PLAA: variants seen among roughly 807,000 people sequenced by gnomAD.
PLAA encodes phospholipase A2 activating protein, also known as phospholipase A-2-activating protein.
A neutral mutation model predicts 84.1 loss-of-function variants in PLAA; 48 were observed. The observed-to-expected ratio is 0.57, with a 90% CI of 0.45 to 0.73. PLAA has a LOEUF of 0.73. Among genes scored for constraint, PLAA ranks in the 30% least tolerant of loss-of-function variants. PLAA has a pLI of 0.00. For synonymous variants in PLAA, 392 were observed against 336.6 expected, an observed-to-expected ratio of 1.16 and a Z score of -1.80; for missense variants, 903 against 954.7, an observed-to-expected ratio of 0.95 and a Z score of 0.71.
rs60559381 is a variant in PLAA at position 26,909,681 on chromosome 9, C to T, written c.1657+657G>A. On this transcript the variant is annotated intron_variant, in intron 12 of 13. Transcript: ENST00000397292. ...TGTTGCCCAGGCTGGAGTGCAGTGGCGCGATCTCGGGCTCACTGCAACTCC... is the reference window on the plus strand; with the variant it reads ...TGTTGCCCAGGCTGGAGTGCAGTGGTGCGATCTCGGGCTCACTGCAACTCC... 1.0e-2 allele frequency among the ~76,000 whole-genome samples: 1,506 copies of T among 150,848 alleles called. 21 individuals carry two copies. Among genetic ancestry groups the T allele is most frequent in the African/African-American group, 0.034 (1,378 of 40,994 alleles).
At chr9:26,927,417 C>G (rs764519622) in intron 4 of PLAA, among the ~76,000 whole-genome samples, 4 of 152,026 alleles carry the variant, frequency 2.6e-5, no homozygotes, top group Non-Finnish European at 5.9e-5. Flanking sequence ...GTCACTGCAC[C>G]CAGCCAAAAG....
At position 26,913,932 on chromosome 9, in the gene PLAA, A is replaced by G; in HGVS notation, c.1502T>C (p.Val501Ala). 2.5e-6 allele frequency: 4 copies of G among 1,611,658 alleles called. No individual in the cohort carries two copies. The highest frequency in any genetic ancestry group is 3.4e-6 in the Non-Finnish European group (4 of 1,177,810). ...ADPFTGAGRYVPGSASMGTTM... is the reference protein window; with the variant it reads ...ADPFTGAGRYAPGSASMGTTM... ...AGTTCCCATACTTGCAGAACCTGGT[A>G]CATAACGACCAGCACCTACAATACA... Residue 501 changes from valine to alanine, a missense_variant, in exon 11 of 14, where the codon GTA becomes GCA. Val to Ala is a moderately conservative substitution (Grantham distance 64). Transcript: ENST00000397292.
chr9:26,925,508 T>C (rs559196525), intron 6 of PLAA, among the ~76,000 whole-genome samples: 51 of 152,364 alleles, frequency 3.3e-4, no homozygotes, highest in Non-Finnish European at 6.6e-4. Context: ...TTCAAATTTC[T>C]TCTTCTACAG....
Position 26,947,069 on chromosome 9 carries a change from G to C in PLAA, c.-24C>G, listed in dbSNP as rs1471771565. The stretch of plus-strand genomic sequence containing the variant: ...ATGGCCAGTGTCTGTCTGGCGCCCG[G>C]TGCCCAGGCACTGTGCGAGACCAGT... On this transcript the variant is annotated 5_prime_UTR_variant, in exon 1 of 14. Coordinates refer to ENST00000397292, the MANE Select transcript of PLAA (RefSeq NM_001031689.3). 1.9e-6 allele frequency: 3 copies of C among 1,553,060 alleles called. No individual in the cohort carries two copies. The highest frequency in any genetic ancestry group is 1.9e-5 in the Admixed American group (1 of 52,326).
At chr9:26,932,759 A>G (rs977014453) in intron 2 of PLAA, among the ~76,000 whole-genome samples, 4 of 152,246 alleles carry the variant, frequency 2.6e-5, no homozygotes, top group Non-Finnish European at 5.9e-5. Context: ...ATTTCTATAT[A>G]AAATTTTAAA....
In PLAA at chr9:26,935,109, C is replaced by A. The variant is rs1825317093; in HGVS notation, c.247G>T (p.Gly83Cys). 6.2e-7 allele frequency: 1 copy of A among 1,611,010 alleles called. No homozygotes were observed. ...IIPSSDIYPHGLIATGGNDHN... is the reference protein window; with the variant it reads ...IIPSSDIYPHCLIATGGNDHN... ...TCATTTCCACCGGTGGCAATTAGGC[C>A]ATGAGGGTAGATGTCACTTGAGGGT... is the stretch of plus-strand genomic sequence containing the variant. Residue 83 changes from glycine to cysteine, a missense_variant, in exon 2 of 14, where the codon GGC becomes TGC. Coordinates refer to ENST00000397292, the MANE Select transcript of PLAA (RefSeq NM_001031689.3).
chr9:26,907,728 C>A, intron 13 of PLAA, 106 bp downstream of exon 13: 1 of 935,938 alleles, frequency 1.1e-6, no homozygotes, highest in Admixed American at 2.7e-5. Context: ...TGATTTAGAA[C>A]TACCGAAGTT....
At chr9:26,911,963 C>A (rs1824413179) in intron 11 of PLAA, among the ~76,000 whole-genome samples, 1 of 151,988 alleles carries the variant, frequency 6.6e-6, no homozygotes, top group Admixed American at 6.6e-5. Flanking sequence ...TAAAAATGAG[C>A]CATACACACA....
chr9:26,917,295 T>C (rs1824594601), intron 9 of PLAA, 130 bp from the exon 10 acceptor site: 1 of 662,636 alleles, frequency 1.5e-6, no homozygotes, highest in South Asian at 1.9e-5. Context: ...CATGATAGAA[T>C]GACAGAAACT....
chr9:26,905,464 GA>G lies in PLAA; in HGVS notation c.*46del. ...TGTTATCAGTCATGTCAAATGTGAG[GA>G]AAAAAACACTAATCAATTAAAAATA... On this transcript the variant is annotated 3_prime_UTR_variant, in exon 14 of 14. Coordinates refer to ENST00000397292, the MANE Select transcript of PLAA (RefSeq NM_001031689.3). 2 of 1,345,988 alleles carry G rather than the reference GA, an allele frequency of 1.5e-6. No individual in the cohort carries two copies. The highest frequency in any genetic ancestry group is 1.0e-6 in the Non-Finnish European group (1 of 971,004). The allele number at this position is 1,345,988 out of a possible 1,614,324, so 83.4% of individuals were successfully genotyped here. A position where few individuals can be genotyped will look rare whatever the true frequency, so the allele number is the denominator to read the frequency against.
Position 26,923,268 on chromosome 9 carries a change from G to T in PLAA, c.949C>A (p.Leu317Met). The T allele has an allele frequency of 1.2e-6, 2 of 1,613,768 alleles. No homozygotes were observed. Among genetic ancestry groups the T allele is most frequent in the South Asian group, 1.1e-5 (1 of 91,054 alleles). The change falls in exon 7 of 14, where the codon CTG becomes ATG. Residue 317 changes from leucine to methionine, a missense_variant. Coordinates refer to ENST00000397292, the MANE Select transcript of PLAA (RefSeq NM_001031689.3). ...TTAGAATCAATGGTTGCGTGAGACA[G>T]TTCTTTTTCAAAAGCCTTGATTTCT... is the stretch of plus-strand genomic sequence containing the variant. ...AEEIKAFEKE[L>M]SHATIDSKTG...
intron 1 of PLAA, among the ~76,000 whole-genome samples, chr9:26,939,773 A>G (rs1423122182): frequency 6.6e-6 from 1 of 152,060 alleles, no homozygotes; most frequent in Non-Finnish European, 1.5e-5. Context: ...GACAAAATTG[A>G]CCTTAAATCA....
At chr9:26,916,838 T>C (rs1824579603) in intron 10 of PLAA, 1 of 392,730 alleles carries the variant, frequency 2.5e-6, no homozygotes, top group Non-Finnish European at 4.3e-6. Context: ...TTAACTATAC[T>C]GCTCTCCTGG....
chr9:26,907,469 CA>C (rs1824273012), intron 13 of PLAA: 1 of 408 alleles, frequency 2.5e-3, no homozygotes, highest in African/African-American at 4.5e-3. Flanking sequence ...GCGGAGCTTG[CA>C]GTGAGCTTGC....
intron 9 of PLAA, 21 bp downstream of exon 9, chr9:26,919,289 T>A: frequency 6.7e-7 from 1 of 1,486,906 alleles, no homozygotes; most frequent in Non-Finnish European, 9.3e-7. Flanking sequence ...TACATAAGAC[T>A]CAATATAAAC....
In PLAA at chr9:26,917,012, T is replaced by G. The variant is rs185811532; in HGVS notation, c.1486+85A>C. The stretch of plus-strand genomic sequence containing the variant: ...GATAAGGGAATTACCAATTACTGGA[T>G]GACATCTCCAAGATGTAAAGCCATG... On this transcript the variant is annotated intron_variant, in intron 10 of 13. Coordinates refer to ENST00000397292, the MANE Select transcript of PLAA (RefSeq NM_001031689.3). 1.3e-5 allele frequency: 14 copies of G among 1,079,698 alleles called. No homozygotes were observed. In the East Asian group the frequency reaches 3.4e-4, roughly 26 times the overall value. 66.9% of individuals were successfully genotyped at this position (1,079,698 alleles called of 1,614,324 possible). A position where few individuals can be genotyped will look rare whatever the true frequency, so the allele number is the denominator to read the frequency against.
At chr9:26,908,858 T>C (rs188135013) in intron 12 of PLAA, among the ~76,000 whole-genome samples, 1 of 152,322 alleles carries the variant, frequency 6.6e-6, no homozygotes, top group Admixed American at 6.5e-5. Context: ...CATGAGAAAA[T>C]TTATAACAAC....
At chr9:26,935,879 T>TTA (rs1165578154) in intron 1 of PLAA, among the ~76,000 whole-genome samples, 1 of 150,818 alleles carries the variant, frequency 6.6e-6, no homozygotes, top group East Asian at 1.9e-4. Context: ...TTATATATAA[T>TTA]TATATATATC....
chr9:26,908,617 C>G (rs1017003294), intron 12 of PLAA, among the ~76,000 whole-genome samples: 5 of 151,984 alleles, frequency 3.3e-5, no homozygotes, highest in African/African-American at 1.2e-4. Flanking sequence ...CAGCATGCAC[C>G]ACCACACCAG....
Sources: gnomAD v4.1 joint callset for allele counts (sites outside exome capture counted in the v4.1 genomes callset) on GRCh38, gnomAD v4.1.1 for gene constraint, MANE v1.5 for transcripts, NCBI Gene and HGNC (gene_info 2026-07-23, HGNC 2026-07-21) for gene names.